Variants in PTPRD observed in about 807,000 individuals in gnomAD.
The protein encoded by PTPRD is protein tyrosine phosphatase receptor type D.
A neutral mutation model predicts 214.5 loss-of-function variants in PTPRD; 34 were observed. The observed-to-expected ratio is 0.16, with a 90% CI of 0.12 to 0.21. PTPRD has a LOEUF of 0.21. PTPRD is among the 10% of genes least tolerant of loss of function. The pLI is 1.00. For missense variants in PTPRD, 2,545 were observed against 2,398.7 expected (o/e 1.06, Z -1.27); for synonymous variants, 1,128 against 845.7 (o/e 1.33, Z -5.79).
chr9:9,609,582 C>A (rs779936816), intron 7 of PTPRD, among the ~76,000 whole-genome samples: 1 of 152,182 alleles, frequency 6.6e-6, no homozygotes, highest in African/African-American at 2.4e-5. Context: ...CGTGCCTCAG[C>A]CTCCCGAGTA....
At chr9:8,459,013 G>C (rs1394872017) in intron 33 of PTPRD, among the ~76,000 whole-genome samples, 1 of 151,986 alleles carries the variant, frequency 6.6e-6, no homozygotes, top group Non-Finnish European at 1.5e-5. Flanking sequence ...CTTAATGCTG[G>C]AATAAAATGA....
At chr9:9,777,165 G>T (rs1447691676) in intron 5 of PTPRD, among the ~76,000 whole-genome samples, 1 of 152,060 alleles carries the variant, frequency 6.6e-6, no homozygotes, top group Admixed American at 6.6e-5. Flanking sequence ...CTTACCTCTG[G>T]TCCTCAGATG....
chr9:8,492,345 G>C (rs754701939), intron 27 of PTPRD, among the ~76,000 whole-genome samples: 1 of 152,062 alleles, frequency 6.6e-6, no homozygotes, highest in Non-Finnish European at 1.5e-5. Flanking sequence ...CATGGGACTT[G>C]ATCCTTCACG....
chr9:10,553,093 C>G (rs2061700879), intron 2 of PTPRD, among the ~76,000 whole-genome samples: 1 of 152,286 alleles, frequency 6.6e-6, no homozygotes, highest in South Asian at 2.1e-4. Context: ...CTAGCAACAT[C>G]TCCATGCTGA....
intron 8 of PTPRD, among the ~76,000 whole-genome samples, chr9:9,468,742 A>G (rs998899749): frequency 6.6e-6 from 1 of 152,160 alleles, no homozygotes; most frequent in Non-Finnish European, 1.5e-5. Context: ...ATTTTCACAT[A>G]TATTGAAAAA....
At chr9:9,963,131 G>T in intron 4 of PTPRD, among the ~76,000 whole-genome samples, 1 of 151,916 alleles carries the variant, frequency 6.6e-6, no homozygotes, top group East Asian at 1.9e-4. Context: ...AAATCAGGTG[G>T]ATTTAATGTC....
At chr9:8,835,146 G>A (rs1481145813) in intron 11 of PTPRD, among the ~76,000 whole-genome samples, 1 of 152,218 alleles carries the variant, frequency 6.6e-6, no homozygotes, top group Non-Finnish European at 1.5e-5. Context: ...AGCATGGGGT[G>A]GACGAAGAAA....
At chr9:9,344,645 T>C (rs1478231314) in intron 9 of PTPRD, among the ~76,000 whole-genome samples, 1 of 152,118 alleles carries the variant, frequency 6.6e-6, no homozygotes, top group Non-Finnish European at 1.5e-5. Context: ...TGCACCACAA[T>C]GTTTCTGTAT....
At chr9:10,513,293 A>G (rs546040589) in intron 2 of PTPRD, among the ~76,000 whole-genome samples, 4 of 152,250 alleles carry the variant, frequency 2.6e-5, no homozygotes, top group African/African-American at 7.2e-5. Flanking sequence ...GAATATCAGT[A>G]TATCAGTGAA....
chr9:9,595,411 T>C (rs1327491101), intron 7 of PTPRD, among the ~76,000 whole-genome samples: 4 of 146,588 alleles, frequency 2.7e-5, no homozygotes, highest in African/African-American at 1.0e-4. Flanking sequence ...TATACATATA[T>C]ATACAAATGT....
At chr9:8,595,249 C>T (rs2094417114) in intron 14 of PTPRD, among the ~76,000 whole-genome samples, 2 of 150,460 alleles carry the variant, frequency 1.3e-5, no homozygotes, top group African/African-American at 4.9e-5. Context: ...GACAACCAAA[C>T]TATGGCAGAA....
At chr9:10,271,266 G>A (rs931900356) in intron 3 of PTPRD, among the ~76,000 whole-genome samples, 23 of 151,924 alleles carry the variant, frequency 1.5e-4, no homozygotes, top group African/African-American at 4.6e-4. Context: ...ATATGTTTTT[G>A]GAACAGAAGA....
chr9:8,435,963 C>T (rs2095329315), intron 35 of PTPRD, among the ~76,000 whole-genome samples: 1 of 152,082 alleles, frequency 6.6e-6, no homozygotes. Flanking sequence ...CTTATAAAAC[C>T]AAGAGTCTTG....
intron 8 of PTPRD, among the ~76,000 whole-genome samples, chr9:9,449,753 T>C (rs1433610742): frequency 1.3e-5 from 2 of 151,842 alleles, no homozygotes; most frequent in South Asian, 2.1e-4. Context: ...TAAATTTCAA[T>C]AGTTTTGGGG....
At chr9:10,025,468 T>C (rs948016975) in intron 4 of PTPRD, among the ~76,000 whole-genome samples, 1 of 152,206 alleles carries the variant, frequency 6.6e-6, no homozygotes, top group Non-Finnish European at 1.5e-5. Context: ...TAGATGTACA[T>C]AACCATAATA....
intron 12 of PTPRD, among the ~76,000 whole-genome samples, chr9:8,690,122 A>C (rs1196076624): frequency 1.3e-5 from 2 of 151,252 alleles, no homozygotes; most frequent in African/African-American, 4.9e-5. Flanking sequence ...AAAAAAAAAA[A>C]AGAAAAATTA....
At chr9:10,256,175 T>C (rs2093257807) in intron 3 of PTPRD, among the ~76,000 whole-genome samples, 1 of 152,186 alleles carries the variant, frequency 6.6e-6, no homozygotes, top group Non-Finnish European at 1.5e-5. Flanking sequence ...CCTCAGTTTG[T>C]GGAAAAATTG....
chr9:9,871,716 T>C (rs2065494176), intron 5 of PTPRD, among the ~76,000 whole-genome samples: 1 of 151,048 alleles, frequency 6.6e-6, no homozygotes, highest in Admixed American at 6.6e-5. Flanking sequence ...CAACCTAACC[T>C]CTTTGGACCC....
At chr9:9,872,754 A>G (rs1444134654) in intron 5 of PTPRD, among the ~76,000 whole-genome samples, 1 of 152,202 alleles carries the variant, frequency 6.6e-6, no homozygotes, top group African/African-American at 2.4e-5. Flanking sequence ...TTACTTAGTG[A>G]AGTAACTTCA....
Sources: gnomAD v4.1 joint callset for allele counts (sites outside exome capture counted in the v4.1 genomes callset) on GRCh38, gnomAD v4.1.1 for gene constraint, MANE v1.5 for transcripts, NCBI Gene and HGNC (gene_info 2026-07-23, HGNC 2026-07-21) for gene names.